The following CACNA1A variants were observed in gnomAD, a reference collection of about 807,000 sequenced individuals.
CACNA1A encodes voltage-dependent P/Q-type calcium channel subunit alpha-1A.
In CACNA1A, 57 loss-of-function variants were observed where a neutral mutation model predicts 262.4. The observed-to-expected ratio is 0.22, with a 90% CI of 0.18 to 0.27. The LOEUF is 0.27. Ranked by LOEUF, CACNA1A falls within the 10% of genes least tolerant of loss-of-function variation. CACNA1A has a pLI of 1.00. For missense variants in CACNA1A, 2,526 were observed against 3,562.8 expected (o/e 0.71, Z 7.41); for synonymous variants, 1,431 against 1,419.3 (o/e 1.01, Z -0.18).
At chr19:13,345,798 G>A (rs2058752602) in intron 6 of CACNA1A, among the ~76,000 whole-genome samples, 1 of 151,810 alleles carries the variant, frequency 6.6e-6, no homozygotes, top group Non-Finnish European at 1.5e-5. Context: ...ATCATGCCAG[G>A]CCTGCTAATT....
chr19:13,441,531 G>A lies in CACNA1A; in HGVS notation c.539+11345C>T, dbSNP rs111980837. On this transcript the variant is annotated intron_variant, in intron 3 of 46. Transcript: ENST00000360228. The stretch of plus-strand genomic sequence containing the variant: ...AAAATGCAAAAATTAGCCAGGCATG[G>A]TGGTGTGCGCCTGTAATCCCAGCTA... 3.0e-3 allele frequency among the ~76,000 whole-genome samples: 461 copies of A among 152,094 alleles called. 1 individual carries two copies. The highest frequency in any genetic ancestry group is 0.01 in the African/African-American group (434 of 41,504).
chr19:13,494,559 G>T (rs983891515), intron 1 of CACNA1A, among the ~76,000 whole-genome samples: 13 of 152,192 alleles, frequency 8.5e-5, no homozygotes, highest in African/African-American at 3.1e-4. Flanking sequence ...AGACAAAACA[G>T]GGACCAGATC....
chr19:13,483,056 C>A (rs183109155), intron 1 of CACNA1A, among the ~76,000 whole-genome samples: 5 of 152,166 alleles, frequency 3.3e-5, no homozygotes, highest in Admixed American at 2.6e-4. Context: ...CTACTGGGAC[C>A]CTCTCTCATA....
chr19:13,406,671 C>T (rs1351974305), intron 3 of CACNA1A, among the ~76,000 whole-genome samples: 1 of 150,414 alleles, frequency 6.6e-6, no homozygotes, highest in Non-Finnish European at 1.5e-5. Context: ...TGATACTGCA[C>T]TGGGCAGAGA....
chr19:13,304,022 G>T, intron 15 of CACNA1A, 138 bp from the exon 16 acceptor site: 1 of 647,530 alleles, frequency 1.5e-6, no homozygotes, highest in Non-Finnish European at 2.7e-6. Context: ...GGTTTGCAGA[G>T]CCAGACTCCG....
intron 11 of CACNA1A, 63 bp from the exon 12 acceptor site, chr19:13,312,844 G>T: frequency 1.3e-6 from 1 of 781,032 alleles, no homozygotes; most frequent in Non-Finnish European, 2.1e-6. Context: ...GGTTCCAGGT[G>T]GCTCTGACTT....
At chr19:13,443,247 G>C (rs1405216051) in intron 3 of CACNA1A, among the ~76,000 whole-genome samples, 2 of 152,190 alleles carry the variant, frequency 1.3e-5, no homozygotes, top group Non-Finnish European at 2.9e-5. Flanking sequence ...AACAGACTAA[G>C]ACAGTAAGCA....
chr19:13,208,955 T>A lies in CACNA1A; in HGVS notation c.6581A>T (p.Glu2194Val). 2 of 1,537,528 alleles carry A rather than the reference T, an allele frequency of 1.3e-6. No individual in the cohort carries two copies. The highest frequency in any genetic ancestry group is 1.7e-6 in the Non-Finnish European group (2 of 1,146,872). The change falls in exon 46 of 47, where the codon GAG becomes GTG. Residue 2194 changes from glutamate to valine, a missense_variant. This residue lies in a region of CACNA1A where 929 missense variants were observed against 868.1 expected (regional missense o/e 1.07). Transcript: ENST00000360228. ...TTQSGDLPSK[E>V]RDQERGRPKD... Reference sequence around the variant, plus strand: ...GGGCCGGCCCCGCTCCTGGTCCCGCTCCTTCGACGGCAGGTCCCCGGATTG... The same window carrying A: ...GGGCCGGCCCCGCTCCTGGTCCCGCACCTTCGACGGCAGGTCCCCGGATTG...
chr19:13,341,266 G>T (rs1453224115), intron 6 of CACNA1A, among the ~76,000 whole-genome samples: 2 of 151,958 alleles, frequency 1.3e-5, no homozygotes, highest in African/African-American at 4.8e-5. Flanking sequence ...GGCAAGAAGG[G>T]ATTTCAGACC....
chr19:13,299,396 T>G (rs777355744), intron 18 of CACNA1A, 43 bp from the exon 19 acceptor site: 27 of 1,570,668 alleles, frequency 1.7e-5, no homozygotes, highest in Admixed American at 5.0e-5. Context: ...TGCTAGGCAC[T>G]GTAGCTTGGA....
At chr19:13,383,490 A>G (rs993628575) in intron 3 of CACNA1A, among the ~76,000 whole-genome samples, 3 of 152,184 alleles carry the variant, frequency 2.0e-5, no homozygotes, top group Admixed American at 2.0e-4. Context: ...TCAGGCTTGG[A>G]GTAAAATTTA....
In CACNA1A at chr19:13,207,386, G is replaced by A. The variant is rs1256775356; in HGVS notation, c.7448C>T (p.Ala2483Val). Residue 2483 changes from alanine (A) to valine (V), a missense_variant, in exon 47 of 47, where the codon GCC becomes GTC. This residue lies in a region of CACNA1A where 929 missense variants were observed against 868.1 expected (regional missense o/e 1.07). Transcript: ENST00000360228. This position sits in a 1 kb window ranked among gnomAD's most constrained non-coding sequence, Gnocchi z 5.7. ...CCTGGAGCCCGGCCCGCGGGGCCTG[G>A]CCAGTCCGTGCGCCGGGTAGTAGCC... ...PNGYYPAHGL[A>V]RPRGPGSRKG... is the part of the protein sequence containing the mutation. 18 of 1,541,952 alleles carry A rather than the reference G, an allele frequency of 1.2e-5. No individual in the cohort carries two copies. The highest frequency in any genetic ancestry group is 1.6e-5 in the Non-Finnish European group (18 of 1,150,184).
intron 3 of CACNA1A, among the ~76,000 whole-genome samples, chr19:13,392,546 G>A (rs940112571): frequency 6.6e-6 from 1 of 152,208 alleles, no homozygotes; most frequent in Non-Finnish European, 1.5e-5. Flanking sequence ...CAGACATTCA[G>A]TGGGAACCTG....
chr19:13,277,726 C>T (rs985794051), intron 22 of CACNA1A: 16 of 153,320 alleles, frequency 1.0e-4, no homozygotes, highest in African/African-American at 3.9e-4. Flanking sequence ...CACCATAGCA[C>T]ACCTCTGGTG....
chr19:13,299,487 G>T, intron 18 of CACNA1A, 134 bp from the exon 19 acceptor site: 1 of 774,572 alleles, frequency 1.3e-6, no homozygotes, highest in Non-Finnish European at 2.2e-6. Flanking sequence ...AATGCTAGGA[G>T]TCTGTGAGCA....
intron 38 of CACNA1A, among the ~76,000 whole-genome samples, chr19:13,221,621 T>G (rs929620854): frequency 6.6e-6 from 1 of 152,060 alleles, no homozygotes; most frequent in Non-Finnish European, 1.5e-5. Flanking sequence ...GCCTCCGAAA[T>G]GCACTCCAGA....
chr19:13,482,482 C>CA (rs34452086), intron 1 of CACNA1A, among the ~76,000 whole-genome samples: 65,639 of 141,764 alleles, frequency 0.46, 15,137 homozygotes, highest in Non-Finnish European at 0.52. Flanking sequence ...GACTCCGTCT[C>CA]AAAAAAAAAA....
chr19:13,360,350 T>C (rs1301783667), intron 5 of CACNA1A, among the ~76,000 whole-genome samples: 2 of 150,730 alleles, frequency 1.3e-5, no homozygotes, highest in African/African-American at 2.4e-5. Flanking sequence ...GAGAGAAGTA[T>C]AAAACAATAT....
chr19:13,235,702 C>T lies in CACNA1A; in HGVS notation c.4979G>A (p.Arg1660His), dbSNP rs121908216. ...GATGAGCCGGGCAGCTCGGAAGAGG[C>T]GGAGAAAGCTCAGGTTGATGAAGTT... is the stretch of plus-strand genomic sequence containing the variant. The part of the protein sequence containing the change: ...GNNFINLSFL[R>H]LFRAARLIKL... Residue 1660 changes from arginine to histidine, a missense_variant, in exon 32 of 47, where the codon CGC becomes CAC. Physicochemically the swap from Arg to His is conservative, Grantham distance 29. Coordinates refer to ENST00000360228, the MANE Select transcript of CACNA1A (RefSeq NM_001127222.2). The T allele has an allele frequency of 2.5e-6, 4 of 1,613,570 alleles. No homozygotes were observed. The highest frequency in any genetic ancestry group is 2.5e-6 in the Non-Finnish European group (3 of 1,179,706).
Sources: allele counts gnomAD v4.1 joint callset (sites outside exome capture counted in the v4.1 genomes callset), GRCh38; gene constraint gnomAD v4.1.1; regional missense constraint gnomAD v4.1.1; non-coding constraint Gnocchi (gnomAD v3.1); transcripts MANE v1.5; gene names NCBI Gene and HGNC (gene_info 2026-07-23, HGNC 2026-07-21).